The following ARHGAP12 variants were observed in gnomAD, a reference collection of about 807,000 sequenced individuals.
ARHGAP12 encodes the protein rho GTPase-activating protein 12.
Under a neutral mutation model 108.6 loss-of-function variants are expected in ARHGAP12, and 64 were observed. The ratio of observed to expected loss-of-function variants is 0.59; its 90% confidence interval spans 0.48 to 0.73. ARHGAP12 has a LOEUF of 0.73. Among genes scored for constraint, ARHGAP12 ranks in the 30% least tolerant of loss-of-function variants. The probability of loss-of-function intolerance (pLI) is 0.00; values close to 1 mark genes in which losing one functional copy is unlikely to be tolerated. For missense variants in ARHGAP12, 940 were observed against 1,005.9 expected (o/e 0.93, Z 0.89); for synonymous variants, 312 against 337.2 (o/e 0.93, Z 0.82).
At chr10:31,924,005 A>C (rs901817533) in intron 1 of ARHGAP12, among the ~76,000 whole-genome samples, 2 of 152,228 alleles carry the variant, frequency 1.3e-5, no homozygotes, top group Non-Finnish European at 2.9e-5. Flanking sequence ...AAATTAAAAC[A>C]ACCAGGTATC....
intron 3 of ARHGAP12, among the ~76,000 whole-genome samples, chr10:31,903,294 T>C (rs1267130494): frequency 6.6e-6 from 1 of 152,178 alleles, no homozygotes; most frequent in Non-Finnish European, 1.5e-5. Flanking sequence ...AAATGGTAAG[T>C]ATTTGTGCAT....
intron 1 of ARHGAP12, among the ~76,000 whole-genome samples, chr10:31,923,400 G>A (rs1317400805): frequency 1.3e-5 from 2 of 152,134 alleles, no homozygotes; most frequent in Non-Finnish European, 2.9e-5. Flanking sequence ...AATAAGTTTG[G>A]CAGATGCTTA....
intron 5 of ARHGAP12, 132 bp from the exon 6 acceptor site, chr10:31,852,729 C>CTTTTTTTTTTTTTT (rs398013156): frequency 4.8e-6 from 1 of 208,020 alleles, no homozygotes; most frequent in African/African-American, 4.2e-5. Context: ...ACAAAAAATT[C>CTTTTTTTTTTTTTT]TTTTTTTTTT....
At chr10:31,867,051 G>A (rs1319339324) in intron 3 of ARHGAP12, among the ~76,000 whole-genome samples, 1 of 151,888 alleles carries the variant, frequency 6.6e-6, no homozygotes, top group Non-Finnish European at 1.5e-5. Context: ...AGATAATTAG[G>A]TTTATTGACA....
chr10:31,862,016 G>A (rs1041532705), intron 3 of ARHGAP12, among the ~76,000 whole-genome samples: 5 of 152,062 alleles, frequency 3.3e-5, no homozygotes, highest in Admixed American at 2.0e-4. Flanking sequence ...AAGAAATGAG[G>A]GAATTGGACT....
At chr10:31,873,496 T>C (rs1005464589) in intron 3 of ARHGAP12, among the ~76,000 whole-genome samples, 2 of 152,176 alleles carry the variant, frequency 1.3e-5, no homozygotes, top group South Asian at 4.1e-4. Flanking sequence ...AAGTGCTCAA[T>C]AACCACCCAT....
intron 6 of ARHGAP12, among the ~76,000 whole-genome samples, chr10:31,845,020 T>A (rs1836400304): frequency 6.6e-6 from 1 of 152,216 alleles, no homozygotes; most frequent in Admixed American, 6.5e-5. Flanking sequence ...CATGATGGTA[T>A]GCTACACTAT....
At chr10:31,837,916 A>C (rs1836088588) in intron 9 of ARHGAP12, among the ~76,000 whole-genome samples, 1 of 152,188 alleles carries the variant, frequency 6.6e-6, no homozygotes, top group Non-Finnish European at 1.5e-5. Flanking sequence ...GTGGGAGGTA[A>C]TGGGGTAACT....
chr10:31,875,000 A>G (rs939469931), intron 3 of ARHGAP12, among the ~76,000 whole-genome samples: 6 of 148,626 alleles, frequency 4.0e-5, no homozygotes, highest in Non-Finnish European at 7.4e-5. Flanking sequence ...AAAAAAAAAA[A>G]AATTTTCACA....
chr10:31,861,732 G>A, intron 3 of ARHGAP12, 74 bp from the exon 4 acceptor site: 1 of 1,414,266 alleles, frequency 7.1e-7, no homozygotes. Context: ...TGAAACAGGA[G>A]ATTTATAAAC....
Position 31,857,591 on chromosome 10 carries a change from A to C in ARHGAP12, c.949-3385T>G, listed in dbSNP as rs1043075073. 5.3e-5 allele frequency among the ~76,000 whole-genome samples: 8 copies of C among 152,264 alleles called. No individual in the cohort carries two copies. The East Asian group carries it at 1.4e-3, about 26-fold the overall frequency. On this transcript the variant is annotated intron_variant, in intron 4 of 19. Coordinates refer to ENST00000344936, the MANE Select transcript of ARHGAP12 (RefSeq NM_018287.7). ...CTCCTCAAATTCGGAAATCTCAACAAAGCCCTCGCAGAAAATAAAAAACCT... is the reference window on the plus strand; with the variant it reads ...CTCCTCAAATTCGGAAATCTCAACACAGCCCTCGCAGAAAATAAAAAACCT...
chr10:31,908,964 A>C lies in ARHGAP12; in HGVS notation c.-71-38T>G, dbSNP rs1839248441. 7 of 1,071,476 alleles carry C rather than the reference A, an allele frequency of 6.5e-6. No homozygotes were observed. In the Admixed American group the frequency reaches 7.3e-5, roughly 11 times the overall value. 66.4% of individuals were successfully genotyped at this position (1,071,476 alleles called of 1,614,324 possible). On this transcript the variant is annotated intron_variant, in intron 2 of 19. Transcript: ENST00000344936. ...AATGGAGAAAGAGAATGAAGAAAAA[A>C]GTTAATGCAATCTGGATTTCGTATT...
intron 3 of ARHGAP12, among the ~76,000 whole-genome samples, chr10:31,892,880 C>G (rs926241078): frequency 6.6e-6 from 1 of 152,104 alleles, no homozygotes; most frequent in Non-Finnish European, 1.5e-5. Context: ...TGTAAAATAA[C>G]AGAAATTATA....
At position 31,807,643 on chromosome 10, in the gene ARHGAP12, T is replaced by C; in HGVS notation, c.*15A>G. The C allele has an allele frequency of 6.3e-7, 1 of 1,587,380 alleles. No individual in the cohort carries two copies. The highest frequency in any genetic ancestry group is 8.5e-7 in the Non-Finnish European group (1 of 1,170,604). ...GGAATCCAGCTTCTATTCCACAGGT[T>C]GTCTTCAGTAAGAATCAACGTCCGA... On this transcript the variant is annotated 3_prime_UTR_variant, in exon 20 of 20. Transcript: ENST00000344936.
rs565131775 is a variant in ARHGAP12 at position 31,807,848 on chromosome 10, G to A, written c.2367-16C>T. 4.7e-6 allele frequency: 7 copies of A among 1,491,984 alleles called. No individual in the cohort carries two copies. In the East Asian group the frequency reaches 1.4e-4, roughly 31 times the overall value. 92.4% of individuals were successfully genotyped at this position (1,491,984 alleles called of 1,614,324 possible). Reference sequence around the variant, plus strand: ...TTCTATAACTCTGAAGGGAAAAAAAGAAGTTGTTAAAAGAGAAAATAAGAG... The same window carrying A: ...TTCTATAACTCTGAAGGGAAAAAAAAAAGTTGTTAAAAGAGAAAATAAGAG... On this transcript the variant is annotated splice_polypyrimidine_tract_variant and intron_variant, in intron 19 of 19. Transcript: ENST00000344936.
At chr10:31,915,220 C>A (rs968887835) in intron 1 of ARHGAP12, among the ~76,000 whole-genome samples, 8 of 152,074 alleles carry the variant, frequency 5.3e-5, no homozygotes, top group Non-Finnish European at 1.0e-4. Flanking sequence ...AACTCCGTCT[C>A]TACTAAAAAT....
chr10:31,853,464 G>GA (rs1372793411), intron 5 of ARHGAP12, among the ~76,000 whole-genome samples: 4 of 152,074 alleles, frequency 2.6e-5, no homozygotes, highest in Non-Finnish European at 4.4e-5. Context: ...TGACATAAAT[G>GA]AAAAAACTGC....
In ARHGAP12 at chr10:31,839,830, T is replaced by C. The variant is rs1196135428; in HGVS notation, c.1297-119A>G. 3 of 677,344 alleles carry C rather than the reference T, an allele frequency of 4.4e-6. No individual in the cohort carries two copies. The African/African-American group carries it at 5.5e-5, about 12-fold the overall frequency. 42.0% of individuals were successfully genotyped at this position (677,344 alleles called of 1,614,324 possible). A position where few individuals can be genotyped will look rare whatever the true frequency, so the allele number is the denominator to read the frequency against. On this transcript the variant is annotated intron_variant, in intron 7 of 19. Coordinates refer to ENST00000344936, the MANE Select transcript of ARHGAP12 (RefSeq NM_018287.7). ...ACAAATTTTTTCCTCGTTATTTTCG[T>C]TCTATATTCAGCTCCAAGCTAATAA...
Position 31,852,886 on chromosome 10 carries a change from C to A in ARHGAP12, c.1090-289G>T, listed in dbSNP as rs188738592. Reference sequence around the variant, plus strand: ...GGATTACAGGCATGTGCCACCACGCCTGGCTAATTTTGTGTTTTTTTAGTA... The same window carrying A: ...GGATTACAGGCATGTGCCACCACGCATGGCTAATTTTGTGTTTTTTTAGTA... On this transcript the variant is annotated intron_variant, in intron 5 of 19. Transcript: ENST00000344936. Among the ~76,000 whole-genome samples the A allele has an allele frequency of 9.2e-5, 14 of 152,152 alleles. No individual in the cohort carries two copies. The East Asian group carries it at 2.7e-3, about 29-fold the overall frequency.
Sources: allele counts gnomAD v4.1 joint callset (sites outside exome capture counted in the v4.1 genomes callset), GRCh38; gene constraint gnomAD v4.1.1; transcripts MANE v1.5; gene names NCBI Gene and HGNC (gene_info 2026-07-23, HGNC 2026-07-21).